Variants in SLC38A6 observed in about 807,000 individuals in gnomAD.
SLC38A6 encodes the protein solute carrier family 38 member 6.
A neutral mutation model predicts 65.0 loss-of-function variants in SLC38A6; 73 were observed. That is an observed-to-expected ratio of 1.12 (90% confidence interval 0.93 to 1.37). SLC38A6 has a LOEUF of 1.37. Among genes scored for constraint, SLC38A6 ranks in the 40% most tolerant of loss-of-function variants. The pLI is 0.00. For synonymous variants in SLC38A6, 183 were observed against 178.8 expected (o/e 1.02, Z -0.19); for missense variants, 561 against 531.1 (o/e 1.06, Z -0.55).
intron 5 of SLC38A6, among the ~76,000 whole-genome samples, chr14:61,021,135 G>C (rs1381995286): frequency 6.6e-6 from 1 of 152,004 alleles, no homozygotes; most frequent in African/African-American, 2.4e-5. Flanking sequence ...AGTTCCTTTA[G>C]CTCAAAAGTA....
At chr14:60,995,610 A>G (rs550623805) in intron 3 of SLC38A6, among the ~76,000 whole-genome samples, 1 of 152,220 alleles carries the variant, frequency 6.6e-6, no homozygotes, top group Non-Finnish European at 1.5e-5. Context: ...ACAAGGAAGG[A>G]AGAAAGGGAG....
At chr14:61,034,990 T>C (rs1437469727) in intron 6 of SLC38A6, among the ~76,000 whole-genome samples, 3 of 152,282 alleles carry the variant, frequency 2.0e-5, no homozygotes, top group East Asian at 3.9e-4. Context: ...TTGAAATCCA[T>C]GTAGAAGACC....
At position 61,074,490 on chromosome 14, in the gene SLC38A6, A is replaced by T. The variant is rs188767134; in HGVS notation, c.1291-4320A>T. On this transcript the variant is annotated intron_variant, in intron 15 of 16. Coordinates refer to the SLC38A6 transcript ENST00000354886. Reference sequence around the variant, plus strand: ...GTCCTCACATGGTGGAGAAAGAGTGATCTCTGTTCCTCTTCCTATAAAGCC... The same window carrying T: ...GTCCTCACATGGTGGAGAAAGAGTGTTCTCTGTTCCTCTTCCTATAAAGCC... Among the ~76,000 whole-genome samples, 75 of 152,194 alleles carry T rather than the reference A, an allele frequency of 4.9e-4. No homozygotes were observed. In the East Asian group the frequency reaches 0.012, roughly 25 times the overall value.
chr14:60,982,619 A>G lies in SLC38A6; in HGVS notation c.217A>G (p.Thr73Ala). 1.2e-6 allele frequency: 2 copies of G among 1,608,434 alleles called. No homozygotes were observed. The highest frequency in any genetic ancestry group is 1.7e-6 in the Non-Finnish European group (2 of 1,178,604). ...TGGCTTAGCTTATGTTTTGGCTAAT[A>G]CCGGTGTCTTTGGATTTAGGTGAGT... ...ILGLAYVLAN[T>A]GVFGFSFLLL... Residue 73 changes from threonine to alanine, a missense_variant, in exon 2 of 16, where the codon ACC (threonine) becomes GCC (alanine). Physicochemically the swap from Thr to Ala is moderately conservative, Grantham distance 58 (BLOSUM62 0). Coordinates refer to ENST00000267488, the MANE Select transcript of SLC38A6 (RefSeq NM_153811.3).
chr14:61,014,826 G>C (rs1209562451), intron 3 of SLC38A6, among the ~76,000 whole-genome samples: 1 of 152,208 alleles, frequency 6.6e-6, no homozygotes, highest in Non-Finnish European at 1.5e-5. Flanking sequence ...GGCTCCTCGG[G>C]GGTCAGGGAC....
chr14:61,040,671 A>G (rs2041743931), intron 8 of SLC38A6, among the ~76,000 whole-genome samples: 1 of 152,102 alleles, frequency 6.6e-6, no homozygotes, highest in Non-Finnish European at 1.5e-5. Context: ...TGGTAGAGAC[A>G]GAGTCCCATT....
chr14:61,068,405 G>A (rs1437351484), intron 15 of SLC38A6, among the ~76,000 whole-genome samples: 2 of 152,014 alleles, frequency 1.3e-5, no homozygotes, highest in Admixed American at 1.3e-4. Flanking sequence ...CCATGCCATG[G>A]CCTACAAGGC....
At chr14:61,045,864 C>T (rs1004528135) in intron 11 of SLC38A6, among the ~76,000 whole-genome samples, 4 of 149,918 alleles carry the variant, frequency 2.7e-5, no homozygotes, top group African/African-American at 4.9e-5. Flanking sequence ...CCAGCCTGGG[C>T]GACAGAGCAA....
At chr14:61,019,651 C>A in intron 5 of SLC38A6, 71 bp downstream of exon 5, 1 of 1,486,958 alleles carries the variant, frequency 6.7e-7, no homozygotes, top group South Asian at 1.1e-5. Flanking sequence ...TGTTATCTTA[C>A]TACAGATCTA....
chr14:60,981,775 T>A, intron 1 of SLC38A6: 1 of 1,227,062 alleles, frequency 8.1e-7, no homozygotes, highest in Non-Finnish European at 1.1e-6. Flanking sequence ...TCCGACTTAG[T>A]CATGGGGGGA....
intron 3 of SLC38A6, among the ~76,000 whole-genome samples, chr14:61,001,803 C>G (rs969970708): frequency 2.6e-5 from 4 of 152,104 alleles, no homozygotes; most frequent in African/African-American, 9.7e-5. Flanking sequence ...ATTGTCCTTT[C>G]ATTGATTATT....
intron 3 of SLC38A6, among the ~76,000 whole-genome samples, chr14:61,000,801 G>A (rs1414954094): frequency 6.6e-6 from 1 of 152,084 alleles, no homozygotes; most frequent in Non-Finnish European, 1.5e-5. Context: ...GTTGTTTTAG[G>A]GATGTAATGA....
intron 15 of SLC38A6, among the ~76,000 whole-genome samples, chr14:61,072,483 A>AT (rs2139968511): frequency 6.6e-6 from 1 of 152,174 alleles, no homozygotes; most frequent in Admixed American, 6.5e-5. Flanking sequence ...CATATTTTCT[A>AT]TTTTTTTGTG....
chr14:61,034,315 A>T (rs1054743223), intron 6 of SLC38A6: 2 of 151,416 alleles, frequency 1.3e-5, no homozygotes, highest in Admixed American at 6.6e-5. Flanking sequence ...GCTTCGTGAC[A>T]TTTTTTTTTC....
chr14:60,981,291 G>C lies in SLC38A6; in HGVS notation c.14G>C (p.Trp5Ser), dbSNP rs776298179. The C allele has an allele frequency of 3.7e-6, 6 of 1,606,964 alleles. No homozygotes were observed. The highest frequency in any genetic ancestry group is 5.1e-6 in the Non-Finnish European group (6 of 1,177,024). Residue 5 changes from tryptophan to serine, a missense_variant, in exon 1 of 16, where the codon TGG (tryptophan) becomes TCG (serine). Coordinates refer to ENST00000267488, the MANE Select transcript of SLC38A6 (RefSeq NM_153811.3). MEAS[W>S]GSFNAERGWY... The stretch of plus-strand genomic sequence containing the variant: ...CTGGAGAGCAGCATGGAGGCGTCCT[G>C]GGGGAGCTTCAACGCTGAGCGGGGC...
At chr14:60,982,470 T>C (rs1250130105) in intron 1 of SLC38A6, 38 bp from the exon 2 acceptor site, 2 of 1,586,090 alleles carry the variant, frequency 1.3e-6, no homozygotes, top group Non-Finnish European at 1.7e-6. Context: ...AACTTCACCG[T>C]CCAAACATTT....
At chr14:61,064,164 C>T (rs532611237) in intron 15 of SLC38A6, among the ~76,000 whole-genome samples, 58 of 152,304 alleles carry the variant, frequency 3.8e-4, no homozygotes, top group African/African-American at 1.4e-3. Flanking sequence ...CTTCCTGAAA[C>T]TAGGCACTTA....
intron 5 of SLC38A6, among the ~76,000 whole-genome samples, chr14:61,022,933 C>G (rs1349645168): frequency 6.6e-6 from 1 of 152,080 alleles, no homozygotes; most frequent in Non-Finnish European, 1.5e-5. Context: ...ATTCTTTCTG[C>G]TATGATATAG....
intron 3 of SLC38A6, chr14:61,004,499 G>C (rs551447436): frequency 5.3e-5 from 8 of 152,226 alleles, no homozygotes; most frequent in Non-Finnish European, 8.8e-5. Context: ...AAATGATAAA[G>C]GGGTTATCAC....
Sources: gnomAD v4.1 joint callset for allele counts (sites outside exome capture counted in the v4.1 genomes callset) on GRCh38, gnomAD v4.1.1 for gene constraint, MANE v1.5 for transcripts, NCBI Gene and HGNC (gene_info 2026-07-23, HGNC 2026-07-21) for gene names.